XIRP2: variants seen among roughly 807,000 people sequenced by gnomAD.
XIRP2 encodes the protein xin actin-binding repeat-containing protein 2.
XIRP2 carries 236 observed loss-of-function variants against 277.0 expected under a neutral mutation model. That is an observed-to-expected ratio of 0.85 (90% CI 0.77 to 0.95). The LOEUF (loss-of-function observed/expected upper bound fraction) is 0.95, where lower values mean the gene tolerates loss of function less well. XIRP2 is among the 40% of genes least tolerant of loss of function. The probability of loss-of-function intolerance (pLI) is 0.00; values close to 1 mark genes in which losing one functional copy is unlikely to be tolerated. For missense variants in XIRP2, 4,640 were observed against 4,157.5 expected (o/e 1.12, Z -3.19); for synonymous variants, 1,490 against 1,416.5 (o/e 1.05, Z -1.17).
chr2:167,000,927 G>A (rs763825671), intron 2 of XIRP2, among the ~76,000 whole-genome samples: 6 of 152,054 alleles, frequency 3.9e-5, no homozygotes, highest in African/African-American at 1.4e-4. Flanking sequence ...CAGACCTGTA[G>A]TACCAGCTAC....
At chr2:167,046,601 G>A (rs927762681) in intron 2 of XIRP2, among the ~76,000 whole-genome samples, 1 of 151,936 alleles carries the variant, frequency 6.6e-6, no homozygotes, top group Non-Finnish European at 1.5e-5. Flanking sequence ...CATAAAAAAG[G>A]AATGAAATAA....
At chr2:167,234,325 T>C (rs1694841142) in intron 5 of XIRP2, among the ~76,000 whole-genome samples, 1 of 151,358 alleles carries the variant, frequency 6.6e-6, no homozygotes, top group East Asian at 1.9e-4. Context: ...AATTCATGCT[T>C]TGGTATATAT....
At chr2:166,940,160 T>G (rs1448479030) in intron 2 of XIRP2, among the ~76,000 whole-genome samples, 1 of 152,224 alleles carries the variant, frequency 6.6e-6, no homozygotes, top group Non-Finnish European at 1.5e-5. Context: ...TATTCTTTTT[T>G]CTCTAAACTT....
intron 2 of XIRP2, among the ~76,000 whole-genome samples, chr2:167,025,096 G>A (rs1162921873): frequency 3.9e-5 from 6 of 151,940 alleles, no homozygotes; most frequent in Non-Finnish European, 8.8e-5. Flanking sequence ...GACTCTTTAC[G>A]GTTGGTAAGC....
At chr2:167,196,280 A>G (rs1419435478) in intron 3 of XIRP2, among the ~76,000 whole-genome samples, 1 of 152,144 alleles carries the variant, frequency 6.6e-6, no homozygotes, top group Non-Finnish European at 1.5e-5. Context: ...TAGAGATTAA[A>G]TAGTTACTAG....
intron 2 of XIRP2, among the ~76,000 whole-genome samples, chr2:167,002,978 G>A (rs1341141444): frequency 6.6e-6 from 1 of 151,720 alleles, no homozygotes; most frequent in African/African-American, 2.4e-5. Context: ...AAAGTCACTA[G>A]CATATTTGCA....
At chr2:167,010,485 G>A (rs1453235842) in intron 2 of XIRP2, among the ~76,000 whole-genome samples, 6 of 152,140 alleles carry the variant, frequency 3.9e-5, no homozygotes, top group Middle Eastern at 6.8e-3. Context: ...TTGTAGTATG[G>A]TTTGAAGTCA....
intron 5 of XIRP2, among the ~76,000 whole-genome samples, chr2:167,236,897 A>G (rs867696886): frequency 6.6e-6 from 1 of 152,118 alleles, no homozygotes; most frequent in Non-Finnish European, 1.5e-5. Context: ...CCTATACTCT[A>G]TAGACACCAA....
rs146646666 is a variant in XIRP2, at chr2:166,914,032, G to A, written c.408+10142G>A. Among the ~76,000 whole-genome samples the A allele has an allele frequency of 2.3e-3, 347 of 152,290 alleles. 2 individuals are homozygous for A. The highest frequency in any genetic ancestry group is 7.4e-3 in the African/African-American group (308 of 41,554). ...TGTTATCCAACATGTCAAAAGGGACGTTACAAATGTGATTAATAATCTTGA... is the reference window on the plus strand; with the variant it reads ...TGTTATCCAACATGTCAAAAGGGACATTACAAATGTGATTAATAATCTTGA... On this transcript the variant is annotated intron_variant, in intron 2 of 10. Coordinates refer to ENST00000409195, the MANE Select transcript of XIRP2 (RefSeq NM_152381.6).
At chr2:167,162,748 T>C (rs1420293954) in intron 3 of XIRP2, among the ~76,000 whole-genome samples, 2 of 152,218 alleles carry the variant, frequency 1.3e-5, no homozygotes, top group Admixed American at 6.5e-5. Context: ...CTCTTAAGTA[T>C]ACATTCCCAT....
intron 1 of XIRP2, among the ~76,000 whole-genome samples, chr2:166,891,961 C>T (rs889639041): frequency 1.3e-5 from 2 of 152,114 alleles, no homozygotes; most frequent in Non-Finnish European, 2.9e-5. Flanking sequence ...TCTTGGAAAC[C>T]TTTTGTTTTG....
At chr2:167,087,681 T>A (rs533565851) in intron 2 of XIRP2, among the ~76,000 whole-genome samples, 3 of 152,336 alleles carry the variant, frequency 2.0e-5, no homozygotes, top group African/African-American at 7.2e-5. Context: ...AAGCGCAGTA[T>A]TTGGGTGGCA....
At chr2:167,227,327 G>T (rs1480623006) in intron 5 of XIRP2, among the ~76,000 whole-genome samples, 1 of 152,096 alleles carries the variant, frequency 6.6e-6, no homozygotes, top group Non-Finnish European at 1.5e-5. Context: ...CCAATTTACT[G>T]ATACTCTAAT....
chr2:167,196,627 G>C (rs7595273), intron 3 of XIRP2, among the ~76,000 whole-genome samples: 4 of 152,084 alleles, frequency 2.6e-5, no homozygotes, highest in Non-Finnish European at 5.9e-5. Flanking sequence ...AGCGAGGTTT[G>C]TGACATTTCC....
chr2:167,205,579 A>G (rs977194217), intron 3 of XIRP2, among the ~76,000 whole-genome samples: 2 of 152,106 alleles, frequency 1.3e-5, no homozygotes, highest in Admixed American at 1.3e-4. Flanking sequence ...TCTTTTAGCT[A>G]TGGAATGGTC....
chr2:167,185,615 C>T (rs1019465812), intron 3 of XIRP2, among the ~76,000 whole-genome samples: 4 of 151,836 alleles, frequency 2.6e-5, no homozygotes, highest in Non-Finnish European at 5.9e-5. Flanking sequence ...GTAAAATCAC[C>T]ATAAGCATCA....
chr2:166,985,672 G>A (rs571711711), intron 2 of XIRP2, among the ~76,000 whole-genome samples: 2 of 151,942 alleles, frequency 1.3e-5, no homozygotes, highest in South Asian at 2.1e-4. Flanking sequence ...CTTGTGATCC[G>A]CCCACCTCAG....
intron 2 of XIRP2, among the ~76,000 whole-genome samples, chr2:167,059,450 A>AAAAAAT (rs1689124772): frequency 1.4e-5 from 2 of 140,300 alleles, no homozygotes; most frequent in Non-Finnish European, 3.0e-5. Flanking sequence ...ACATGTGGAA[A>AAAAAAT]AAAATAAAAT....
In XIRP2 at chr2:167,259,077, C is replaced by T. The variant is rs190243262; in HGVS notation, c.*1260C>T. ...TTCTTTTCTAACACCGTGAAAATCA[C>T]TGCATTTTCCAAGAAAAATGAGAAC... On this transcript the variant is annotated 3_prime_UTR_variant, in exon 11 of 11. Transcript: ENST00000409195. 3.6e-5 allele frequency: 58 copies of T among 1,611,568 alleles called. No individual in the cohort carries two copies. In the Admixed American group the frequency reaches 9.4e-4, roughly 26 times the overall value.
Sources: gnomAD v4.1 joint callset for allele counts (sites outside exome capture counted in the v4.1 genomes callset) on GRCh38, gnomAD v4.1.1 for gene constraint, MANE v1.5 for transcripts, NCBI Gene and HGNC (gene_info 2026-07-23, HGNC 2026-07-21) for gene names.